The following COL22A1 variants were observed in gnomAD, a reference collection of about 807,000 sequenced individuals.
The protein encoded by COL22A1 is collagen alpha-1(XXII) chain.
COL22A1 carries 221 observed loss-of-function variants against 248.9 expected under a neutral mutation model. The ratio of observed to expected loss-of-function variants is 0.89; its 90% CI spans 0.80 to 0.99. The LOEUF is 0.99. Among genes scored for constraint, COL22A1 ranks in the 50% least tolerant of loss-of-function variants. The probability of loss-of-function intolerance (pLI) is 0.00; values close to 1 mark genes in which losing one functional copy is unlikely to be tolerated. For missense variants in COL22A1, 2,240 were observed against 2,179.0 expected (o/e 1.03, Z -0.56); for synonymous variants, 891 against 793.4 (o/e 1.12, Z -2.07).
chr8:138,689,262 G>C lies in COL22A1; in HGVS notation c.2809-292C>G, dbSNP rs201319185. 5.3e-4 allele frequency among the ~76,000 whole-genome samples: 80 copies of C among 152,220 alleles called. 1 individual carries two copies. The highest frequency in any genetic ancestry group is 1.6e-3 in the African/African-American group (67 of 41,560). ...GCTCTGGAATGTGAACTATCAGAAG[G>C]CGTGGCCTGGCACAGTGAACACTCT... On this transcript the variant is annotated intron_variant, in intron 36 of 64. Coordinates refer to ENST00000303045, the MANE Select transcript of COL22A1 (RefSeq NM_152888.3).
intron 16 of COL22A1, among the ~76,000 whole-genome samples, chr8:138,766,221 G>A (rs1833898189): frequency 6.6e-6 from 1 of 152,240 alleles, no homozygotes; most frequent in African/African-American, 2.4e-5. Context: ...GATGAGTGGA[G>A]TCTGGAGCCA....
intron 23 of COL22A1, among the ~76,000 whole-genome samples, chr8:138,730,699 G>T (rs938870265): frequency 8.5e-5 from 13 of 152,184 alleles, no homozygotes; most frequent in African/African-American, 3.1e-4. Flanking sequence ...AATGAAAACA[G>T]AGAGACAAAA....
At chr8:138,611,841 C>T (rs974269982) in intron 56 of COL22A1, among the ~76,000 whole-genome samples, 1 of 152,206 alleles carries the variant, frequency 6.6e-6, no homozygotes, top group East Asian at 1.9e-4. Context: ...TCTCTAGGAT[C>T]TCAAAGACAA....
intron 3 of COL22A1, among the ~76,000 whole-genome samples, chr8:138,859,495 G>A (rs373045793): frequency 1.3e-5 from 2 of 152,338 alleles, no homozygotes; most frequent in South Asian, 2.1e-4. Context: ...CAGCTTTGGT[G>A]AGGCTGTGGG....
chr8:138,705,077 G>C (rs190227181), intron 30 of COL22A1, among the ~76,000 whole-genome samples: 1 of 151,976 alleles, frequency 6.6e-6, no homozygotes, highest in Non-Finnish European at 1.5e-5. Flanking sequence ...GAGAAGTTTA[G>C]AGAAAAAAAG....
intron 41 of COL22A1, among the ~76,000 whole-genome samples, chr8:138,664,115 CATG>C (rs1359793726): frequency 2.7e-5 from 4 of 150,802 alleles, no homozygotes; most frequent in Non-Finnish European, 5.9e-5. Context: ...AAAGGACGGG[CATG>C]ATAACGACCA....
chr8:138,883,033 T>G, intron 2 of COL22A1, 49 bp downstream of exon 2: 1 of 1,473,644 alleles, frequency 6.8e-7, no homozygotes, highest in Non-Finnish European at 9.2e-7. Flanking sequence ...GGACACATGC[T>G]GTCTGCTCTG....
At chr8:138,772,777 T>C (rs1162896858) in intron 16 of COL22A1, among the ~76,000 whole-genome samples, 1 of 152,100 alleles carries the variant, frequency 6.6e-6, no homozygotes, top group African/African-American at 2.4e-5. Context: ...GCAGGAGAAT[T>C]GCTTGGACCC....
At chr8:138,787,871 C>A (rs1815678161) in intron 12 of COL22A1, among the ~76,000 whole-genome samples, 1 of 152,204 alleles carries the variant, frequency 6.6e-6, no homozygotes, top group Admixed American at 6.5e-5. Context: ...TCTCCTCTCA[C>A]CCACTTGTCA....
chr8:138,859,851 C>T (rs1335857185), intron 3 of COL22A1, among the ~76,000 whole-genome samples: 1 of 151,952 alleles, frequency 6.6e-6, no homozygotes, highest in African/African-American at 2.4e-5. Flanking sequence ...TCTGCTACAC[C>T]TGCCATGCCC....
chr8:138,592,382 G>T (rs768024165), intron 63 of COL22A1, among the ~76,000 whole-genome samples: 6 of 152,110 alleles, frequency 3.9e-5, no homozygotes, highest in Admixed American at 6.5e-5. Context: ...TTGAAATTCT[G>T]CTGGTTCACG....
chr8:138,604,935 T>C (rs1260956239), intron 58 of COL22A1, among the ~76,000 whole-genome samples, 166 bp from the exon 59 acceptor site: 1 of 152,106 alleles, frequency 6.6e-6, no homozygotes, highest in Non-Finnish European at 1.5e-5. Context: ...GGCCAGCCTG[T>C]GCAGGGGAAA....
rs573833511 is a variant in COL22A1, at chr8:138,767,715, T to C, written c.1804-5249A>G. ...TCTCCAGACAGTGCACCGCCCGGTC[T>C]CCATCCTGGCTGCAAAGCCCACAGA... On this transcript the variant is annotated intron_variant, in intron 16 of 64. Transcript: ENST00000303045. Among the ~76,000 whole-genome samples the C allele has an allele frequency of 3.3e-5, 5 of 152,252 alleles. No individual in the cohort carries two copies. In the East Asian group the frequency reaches 9.7e-4, roughly 30 times the overall value.
chr8:138,759,139 G>A (rs1278709764), intron 18 of COL22A1, among the ~76,000 whole-genome samples: 2 of 152,200 alleles, frequency 1.3e-5, no homozygotes, highest in African/African-American at 4.8e-5. Flanking sequence ...ACTGAAGCCC[G>A]AGTGAGCGAG....
chr8:138,776,067 A>C, intron 15 of COL22A1, 57 bp from the exon 16 acceptor site: 18 of 1,573,432 alleles, frequency 1.1e-5, no homozygotes, highest in Non-Finnish European at 1.6e-5. Flanking sequence ...CTCTGTGCTC[A>C]CCGTGGGGGT....
At chr8:138,670,711 A>G (rs1411656156) in intron 41 of COL22A1, among the ~76,000 whole-genome samples, 2 of 152,066 alleles carry the variant, frequency 1.3e-5, no homozygotes, top group Non-Finnish European at 2.9e-5. Context: ...TGTAATTCCA[A>G]CACTTTGGGA....
chr8:138,634,157 C>G (rs1466434273), intron 49 of COL22A1, among the ~76,000 whole-genome samples: 1 of 152,188 alleles, frequency 6.6e-6, no homozygotes, highest in East Asian at 1.9e-4. Context: ...CAGTTAACAA[C>G]TAGAAGTTGA....
chr8:138,754,287 A>G (rs1324723049), intron 21 of COL22A1, among the ~76,000 whole-genome samples: 1 of 152,134 alleles, frequency 6.6e-6, no homozygotes, highest in East Asian at 1.9e-4. Flanking sequence ...CAGCTCTGGA[A>G]ACCGAACCTG....
chr8:138,877,974 A>G lies in COL22A1; in HGVS notation c.434T>C (p.Val145Ala), dbSNP rs779961638. 5.7e-6 allele frequency: 9 copies of G among 1,590,986 alleles called. No individual in the cohort carries two copies. In the Admixed American group the frequency reaches 1.2e-4, roughly 22 times the overall value. Residue 145 changes from valine (V) to alanine (A), a missense_variant, in exon 3 of 65, where the codon GTG (valine) becomes GCG (alanine). Physicochemically the swap from Val to Ala is moderately conservative, Grantham distance 64. Coordinates refer to ENST00000303045, the MANE Select transcript of COL22A1 (RefSeq NM_152888.3). ...GRPRDRAYKQ[V>A]AILLTDGRSQ... ...GCGGCCGTCGGTGAGCAGGATGGCC[A>G]CCTGCTTGTAGGCGCGGTCCCTGGG...
Sources: gnomAD v4.1 joint callset for allele counts (sites outside exome capture counted in the v4.1 genomes callset) on GRCh38, gnomAD v4.1.1 for gene constraint, MANE v1.5 for transcripts, NCBI Gene and HGNC (gene_info 2026-07-23, HGNC 2026-07-21) for gene names.